Variants in PLCL2 observed in about 807,000 individuals in gnomAD.
PLCL2 encodes inactive phospholipase C-like protein 2.
A neutral mutation model predicts 79.6 loss-of-function variants in PLCL2; 4 were observed. That is an observed-to-expected ratio of 0.05 (90% CI 0.02 to 0.11). The LOEUF is 0.11. Among genes scored for constraint, PLCL2 ranks in the 10% least tolerant of loss-of-function variants. The pLI, the probability that PLCL2 is intolerant of heterozygous loss-of-function variation, is 1.00. For synonymous variants in PLCL2, 484 were observed against 457.7 expected, an observed-to-expected ratio of 1.06 and a Z score of -0.73; for missense variants, 895 against 1,291.0, an observed-to-expected ratio of 0.69 and a Z score of 4.70.
chr3:16,987,689 A>C (rs1575572767), intron 1 of PLCL2, among the ~76,000 whole-genome samples: 1 of 152,204 alleles, frequency 6.6e-6, no homozygotes, highest in Non-Finnish European at 1.5e-5. Flanking sequence ...CCTTTGGAGA[A>C]AAGTAAACTG....
chr3:16,940,843 G>A (rs1697662809), intron 1 of PLCL2, among the ~76,000 whole-genome samples: 1 of 152,140 alleles, frequency 6.6e-6, no homozygotes, highest in Admixed American at 6.5e-5. Context: ...ATTGTCCAAT[G>A]CATTTAGCGT....
At chr3:17,038,513 T>A (rs1377626481) in intron 3 of PLCL2, among the ~76,000 whole-genome samples, 1 of 152,214 alleles carries the variant, frequency 6.6e-6, no homozygotes, top group Non-Finnish European at 1.5e-5. Context: ...AAGTAGTTTT[T>A]TCCTTTGGCT....
intron 1 of PLCL2, among the ~76,000 whole-genome samples, chr3:16,894,142 A>G (rs961627471): frequency 6.6e-6 from 1 of 152,146 alleles, no homozygotes; most frequent in Non-Finnish European, 1.5e-5. Flanking sequence ...CTAAACTCTG[A>G]TATTCTGTAG....
chr3:16,998,293 A>G (rs188892857), intron 1 of PLCL2, among the ~76,000 whole-genome samples: 2 of 152,314 alleles, frequency 1.3e-5, no homozygotes, highest in African/African-American at 2.4e-5. Flanking sequence ...AGAATTGATC[A>G]TATTTTTCGC....
chr3:16,930,525 G>A (rs1697368093), intron 1 of PLCL2, among the ~76,000 whole-genome samples: 1 of 152,202 alleles, frequency 6.6e-6, no homozygotes, highest in African/African-American at 2.4e-5. Flanking sequence ...TGAAAGAGTT[G>A]TAGTGTACTG....
chr3:16,967,192 C>T (rs773960985), intron 1 of PLCL2, among the ~76,000 whole-genome samples: 12 of 151,966 alleles, frequency 7.9e-5, no homozygotes, highest in East Asian at 1.9e-4. Flanking sequence ...GTTTATTCTG[C>T]GTCTTTGCTA....
At chr3:16,906,990 A>G (rs1696766944) in intron 1 of PLCL2, among the ~76,000 whole-genome samples, 1 of 152,236 alleles carries the variant, frequency 6.6e-6, no homozygotes, top group African/African-American at 2.4e-5. Context: ...GATCATTCTT[A>G]TAACTTCTGA....
chr3:17,024,013 G>A (rs993614624), intron 3 of PLCL2, among the ~76,000 whole-genome samples: 2 of 152,134 alleles, frequency 1.3e-5, no homozygotes, highest in African/African-American at 4.8e-5. Context: ...TTCATCCTCT[G>A]GTTTGCCTTA....
At chr3:17,021,438 C>T (rs1014388302) in intron 3 of PLCL2, among the ~76,000 whole-genome samples, 8 of 152,130 alleles carry the variant, frequency 5.3e-5, no homozygotes, top group Non-Finnish European at 8.8e-5. Flanking sequence ...CAGGCCACCA[C>T]ACAGTGATCG....
At chr3:16,890,964 C>G (rs1490573329) in intron 1 of PLCL2, among the ~76,000 whole-genome samples, 2 of 152,216 alleles carry the variant, frequency 1.3e-5, no homozygotes, top group African/African-American at 4.8e-5. Context: ...TTGGCACCCA[C>G]CCATTCCAGA....
intron 1 of PLCL2, among the ~76,000 whole-genome samples, chr3:16,925,699 A>G (rs984478582): frequency 8.5e-5 from 13 of 152,240 alleles, no homozygotes; most frequent in African/African-American, 2.9e-4. Context: ...TGCAGCATGT[A>G]TCAATACTTC....
Position 17,010,407 on chromosome 3 carries a change from A to G in PLCL2, c.1061A>G (p.Asn354Ser), listed in dbSNP as rs2064309015. The G allele has an allele frequency of 6.2e-7, 1 of 1,613,870 alleles. No homozygotes were observed. The highest frequency in any genetic ancestry group is 8.5e-7 in the Non-Finnish European group (1 of 1,179,852). Reference sequence around the variant, plus strand: ...TTCCTTTTAGTTCAGTTTTCAAGCAATAAAGAATTCCTTGATACCAAGGAC... The same window carrying G: ...TTCCTTTTAGTTCAGTTTTCAAGCAGTAAAGAATTCCTTGATACCAAGGAC... The part of the protein sequence containing the change: ...IYFLLVQFSS[N>S]KEFLDTKDLM... Residue 354 changes from asparagine to serine, a missense_variant, in exon 2 of 6, where the codon AAT becomes AGT. Coordinates refer to ENST00000615277, the MANE Select transcript of PLCL2 (RefSeq NM_001144382.2). The surrounding 1 kb of genome is among the most constrained non-coding windows in gnomAD (Gnocchi z 5.8).
At chr3:16,979,357 T>A (rs1270782307) in intron 1 of PLCL2, among the ~76,000 whole-genome samples, 42 of 18,852 alleles carry the variant, frequency 2.2e-3, no homozygotes, top group African/African-American at 5.8e-3. Flanking sequence ...TTTTTTTTTT[T>A]TTAATCATTC....
chr3:16,938,943 A>G (rs918739730), intron 1 of PLCL2, among the ~76,000 whole-genome samples: 1 of 152,180 alleles, frequency 6.6e-6, no homozygotes, highest in Non-Finnish European at 1.5e-5. Context: ...TTCATTTCTG[A>G]CTTTTATTCA....
intron 1 of PLCL2, among the ~76,000 whole-genome samples, chr3:16,996,564 G>A (rs1026081723): frequency 6.6e-5 from 10 of 152,142 alleles, no homozygotes; most frequent in African/African-American, 2.4e-4. Flanking sequence ...GACCATAAGG[G>A]AAATGGGCCA....
At chr3:17,085,160 G>T (rs2065204103) in intron 5 of PLCL2, among the ~76,000 whole-genome samples, 1 of 151,728 alleles carries the variant, frequency 6.6e-6, no homozygotes, top group Non-Finnish European at 1.5e-5. Context: ...TTTGAGACAG[G>T]GTCTCACTCT....
chr3:16,889,988 G>A (rs1344917921), intron 1 of PLCL2, among the ~76,000 whole-genome samples: 3 of 152,128 alleles, frequency 2.0e-5, no homozygotes, highest in Non-Finnish European at 4.4e-5. Context: ...TGGATAGATA[G>A]GAAACCTGGA....
intron 3 of PLCL2, chr3:17,042,669 A>G (rs890301887): frequency 1.6e-5 from 8 of 506,070 alleles, no homozygotes; most frequent in African/African-American, 1.4e-4. Flanking sequence ...AAGTAATACT[A>G]TTCACATCTT....
At chr3:16,901,573 C>T (rs369854298) in intron 1 of PLCL2, among the ~76,000 whole-genome samples, 3 of 152,308 alleles carry the variant, frequency 2.0e-5, no homozygotes, top group African/African-American at 7.2e-5. Flanking sequence ...GTCTTGAGAC[C>T]TGTACACTGG....
Sources: allele counts gnomAD v4.1 joint callset (sites outside exome capture counted in the v4.1 genomes callset), GRCh38; gene constraint gnomAD v4.1.1; non-coding constraint Gnocchi (gnomAD v3.1); transcripts MANE v1.5; gene names NCBI Gene and HGNC (gene_info 2026-07-23, HGNC 2026-07-21).